Variants in FRMPD4 observed in about 807,000 individuals in gnomAD.
FRMPD4 encodes the protein FERM and PDZ domain containing 4.
FRMPD4 carries 22 observed loss-of-function variants against 94.1 expected under a neutral mutation model. That is an observed-to-expected ratio of 0.23 (90% CI 0.17 to 0.33). The LOEUF is 0.33. Among genes scored for constraint, FRMPD4 ranks in the 10% least tolerant of loss-of-function variants. FRMPD4 has a pLI of 1.00. For synonymous variants in FRMPD4, 631 were observed against 548.6 expected, an observed-to-expected ratio of 1.15 and a Z score of -2.10; for missense variants, 1,111 against 1,339.9, an observed-to-expected ratio of 0.83 and a Z score of 2.67.
intron 1 of FRMPD4, among the ~76,000 whole-genome samples, chrX:12,362,194 T>G (rs113708453): frequency 0.019 from 2,055 of 110,424 alleles, 55 homozygotes; most frequent in African/African-American, 0.064. Flanking sequence ...TTTTTTTAGT[T>G]TTTATTTTTT....
chrX:11,836,408 G>T (rs1414862563), intron 1 of FRMPD4, among the ~76,000 whole-genome samples: 1 of 111,398 alleles, frequency 9.0e-6, no homozygotes, highest in Non-Finnish European at 1.9e-5. Flanking sequence ...TTAGAGGTGA[G>T]GGTGAATGGC....
chrX:12,265,256 A>G (rs1381307674), intron 1 of FRMPD4, among the ~76,000 whole-genome samples: 1 of 112,446 alleles, frequency 8.9e-6, no homozygotes, highest in Non-Finnish European at 1.9e-5. Context: ...GTGCAGATAA[A>G]TCTGAGAAGC....
At chrX:11,976,321 G>T (rs1244378408) in intron 3 of FRMPD4, among the ~76,000 whole-genome samples, 2 of 112,070 alleles carry the variant, frequency 1.8e-5, no homozygotes, top group African/African-American at 3.2e-5. Context: ...AAAAAATTGG[G>T]CTTACTGGCC....
chrX:11,959,852 A>G (rs1311520544), intron 3 of FRMPD4, among the ~76,000 whole-genome samples: 1 of 111,065 alleles, frequency 9.0e-6, no homozygotes, highest in East Asian at 2.8e-4. Context: ...TTTTATTTTT[A>G]TTTCTTACGA....
At chrX:12,026,476 A>G (rs1289500365) in intron 3 of FRMPD4, among the ~76,000 whole-genome samples, 1 of 111,884 alleles carries the variant, frequency 8.9e-6, no homozygotes, top group Non-Finnish European at 1.9e-5. Context: ...GAAGAAGATC[A>G]TATTATTTCA....
chrX:12,115,134 T>G (rs2055397547), intron 3 of FRMPD4, among the ~76,000 whole-genome samples: 1 of 112,488 alleles, frequency 8.9e-6, no homozygotes, highest in African/African-American at 3.2e-5. Flanking sequence ...GGTATCAGAA[T>G]AAAATATCTT....
At chrX:12,442,130 T>C (rs2057144602) in intron 1 of FRMPD4, among the ~76,000 whole-genome samples, 1 of 111,556 alleles carries the variant, frequency 9.0e-6, no homozygotes, top group African/African-American at 3.3e-5. Flanking sequence ...TAGTGCCTCC[T>C]TTCACTAGAA....
intron 3 of FRMPD4, among the ~76,000 whole-genome samples, chrX:12,004,277 A>G (rs1160979905): frequency 1.8e-5 from 2 of 112,254 alleles, no homozygotes; most frequent in Non-Finnish European, 3.8e-5. Context: ...AACCAAAGCC[A>G]TGGAATTCTG....
chrX:12,547,376 T>C, intron 2 of FRMPD4, among the ~76,000 whole-genome samples: 1 of 112,066 alleles, frequency 8.9e-6, no homozygotes, highest in Non-Finnish European at 1.9e-5. Context: ...TCACCTGTTA[T>C]GGTCTGGCCC....
intron 1 of FRMPD4, among the ~76,000 whole-genome samples, chrX:12,405,941 A>C (rs774055573): frequency 9.0e-6 from 1 of 111,019 alleles, no homozygotes; most frequent in Admixed American, 9.6e-5. Flanking sequence ...AGTGATGAGG[A>C]GATTAGAAAT....
intron 1 of FRMPD4, among the ~76,000 whole-genome samples, chrX:12,340,795 C>T (rs1466094549): frequency 8.9e-6 from 1 of 112,004 alleles, no homozygotes; most frequent in Non-Finnish European, 1.9e-5. Context: ...AGTTGCTCCA[C>T]GTTTTACAAA....
At chrX:12,019,121 C>T (rs1307645949) in intron 3 of FRMPD4, among the ~76,000 whole-genome samples, 1 of 110,223 alleles carries the variant, frequency 9.1e-6, no homozygotes, top group African/African-American at 3.3e-5. Flanking sequence ...CTTATCCATT[C>T]AGAACCCACT....
chrX:12,202,451 G>A (rs1056690625), intron 1 of FRMPD4, among the ~76,000 whole-genome samples: 1 of 111,919 alleles, frequency 8.9e-6, no homozygotes, highest in Non-Finnish European at 1.9e-5. Flanking sequence ...AATATTTGGG[G>A]TGCTCGTATC....
At chrX:12,460,204 G>A (rs184107549) in intron 1 of FRMPD4, among the ~76,000 whole-genome samples, 6 of 111,932 alleles carry the variant, frequency 5.4e-5, no homozygotes, top group Admixed American at 3.8e-4. Context: ...CTCTCAGTCT[G>A]TGGCTTGCCT....
chrX:12,685,979 A>G, intron 6 of FRMPD4, 118 bp from the exon 7 acceptor site: 1 of 390,857 alleles, frequency 2.6e-6, no homozygotes, highest in Non-Finnish European at 4.6e-6. Context: ...TGTTGGCCTT[A>G]GAGAGTTTGA....
intron 1 of FRMPD4, among the ~76,000 whole-genome samples, chrX:12,358,285 G>A (rs2055925969): frequency 9.0e-6 from 1 of 110,884 alleles, no homozygotes; most frequent in Non-Finnish European, 1.9e-5. Context: ...CCTAGGTATA[G>A]ACAAGGAATA....
At chrX:12,075,197 T>C (rs1310679499) in intron 3 of FRMPD4, among the ~76,000 whole-genome samples, 1 of 112,331 alleles carries the variant, frequency 8.9e-6, no homozygotes, top group African/African-American at 3.2e-5. Context: ...CTTGTCATTA[T>C]ACATTTGTCT....
rs767139995 is a variant in FRMPD4, at chrX:12,549,489, C to T, written c.158+50693C>T. Among the ~76,000 whole-genome samples, 5 of 112,239 alleles carry T rather than the reference C, an allele frequency of 4.5e-5. No individual in the cohort carries two copies. The South Asian group carries it at 1.9e-3, about 42-fold the overall frequency. ...CATTCTATAGCTGAAGTTAATGTAC[C>T]TTTTCTTGATTAATTCTCAAAACAA... On this transcript the variant is annotated intron_variant, in intron 2 of 16. Coordinates refer to ENST00000675598, the MANE Select transcript of FRMPD4 (RefSeq NM_001368397.1).
At chrX:12,306,833 A>G (rs919241850) in intron 1 of FRMPD4, among the ~76,000 whole-genome samples, 26 of 112,590 alleles carry the variant, frequency 2.3e-4, no homozygotes, top group African/African-American at 8.4e-4. Context: ...TTCCAATGCA[A>G]CAGACTTCAA....
Sources: allele counts gnomAD v4.1 joint callset (sites outside exome capture counted in the v4.1 genomes callset), GRCh38; gene constraint gnomAD v4.1.1; transcripts MANE v1.5; gene names NCBI Gene and HGNC (gene_info 2026-07-23, HGNC 2026-07-21).